WSCD1: variants seen among roughly 807,000 people sequenced by gnomAD.
WSCD1 encodes sialate:O-sulfotransferase 1.
Under a neutral mutation model 60.4 loss-of-function variants are expected in WSCD1, and 41 were observed. The ratio of observed to expected loss-of-function variants is 0.68; its 90% CI spans 0.53 to 0.88. The LOEUF is 0.88. Ranked by LOEUF, WSCD1 falls within the 40% of genes least tolerant of loss-of-function variation. The pLI, the probability that WSCD1 is intolerant of heterozygous loss-of-function variation, is 0.00. For missense variants in WSCD1, 784 were observed against 796.2 expected (o/e 0.98, Z 0.18); for synonymous variants, 361 against 332.5 (o/e 1.09, Z -0.93).
rs1199949177 is a variant in WSCD1, at chr17:6,123,992, C to G, written c.*3331C>G. On this transcript the variant is annotated 3_prime_UTR_variant, in exon 9 of 9. Transcript: ENST00000317744. ...CCTCCATTTCCTTTCCCAGCAACCCCCCATTTCTGTTTGGGAATTCATATG... is the reference window on the plus strand; with the variant it reads ...CCTCCATTTCCTTTCCCAGCAACCCGCCATTTCTGTTTGGGAATTCATATG... 6.6e-6 allele frequency: 1 copy of G among 152,186 alleles called. No homozygotes were observed. Among genetic ancestry groups the G allele is most frequent in the African/African-American group, 2.4e-5 (1 of 41,424 alleles). 9.4% of individuals were successfully genotyped at this position (152,186 alleles called of 1,614,324 possible). A position where few individuals can be genotyped will look rare whatever the true frequency, so the allele number is the denominator to read the frequency against.
Position 6,121,949 on chromosome 17 carries a change from A to G in WSCD1, c.*1288A>G, listed in dbSNP as rs1016665012. 2 of 152,360 alleles carry G rather than the reference A, an allele frequency of 1.3e-5. No individual in the cohort carries two copies. The highest frequency in any genetic ancestry group is 2.9e-5 in the Non-Finnish European group (2 of 68,156). 9.4% of individuals were successfully genotyped at this position (152,360 alleles called of 1,614,324 possible). The stretch of plus-strand genomic sequence containing the variant: ...GAGGATTGTGGCGATCCGGTTGCAC[A>G]CTGGCCTCTGTGGAGGTCAGGGAGG... On this transcript the variant is annotated 3_prime_UTR_variant, in exon 9 of 9. Coordinates refer to ENST00000317744, the MANE Select transcript of WSCD1 (RefSeq NM_015253.2).
rs1053179646 is a variant in WSCD1 at position 6,120,340 on chromosome 17, G to A, written c.1407G>A (p.Ser469=). 4.5e-5 allele frequency: 72 copies of A among 1,613,924 alleles called. No individual in the cohort carries two copies. The highest frequency in any genetic ancestry group is 1.6e-4 in the Middle Eastern group (1 of 6,084). The part of the protein sequence containing the change: ...EWPDFVNSYA[S]WWSSHVLDWL... ...CGGACTTTGTCAACAGCTACGCCTC[G>A]TGGTGGTCCTCGCACGTCCTGGACT... Residue 469 remains serine (S), a synonymous_variant, in exon 9 of 9, where the codon TCG becomes TCA. Transcript: ENST00000317744.
chr17:6,088,923 C>T (rs559955503), intron 3 of WSCD1, among the ~76,000 whole-genome samples: 1 of 152,052 alleles, frequency 6.6e-6, no homozygotes, highest in Non-Finnish European at 1.5e-5. Flanking sequence ...GCTGGGACTA[C>T]AGGCGCCCAC....
At chr17:6,115,931 A>G (rs1475333621) in intron 7 of WSCD1, among the ~76,000 whole-genome samples, 3 of 152,202 alleles carry the variant, frequency 2.0e-5, no homozygotes, top group Non-Finnish European at 4.4e-5. Flanking sequence ...AGTTTGGTGT[A>G]GGAAAGTTGA....
chr17:6,119,840 C>T (rs778557161), intron 8 of WSCD1, among the ~76,000 whole-genome samples: 4 of 152,130 alleles, frequency 2.6e-5, no homozygotes, highest in African/African-American at 7.2e-5. Flanking sequence ...GGGATGATTT[C>T]TGATATCTGG....
At chr17:6,088,377 T>A (rs1265198470) in intron 3 of WSCD1, among the ~76,000 whole-genome samples, 1 of 152,000 alleles carries the variant, frequency 6.6e-6, no homozygotes, top group Non-Finnish European at 1.5e-5. Context: ...GCTTGGGTGC[T>A]GGTGCTGGGT....
At chr17:6,112,795 GAC>G (rs1257513396) in intron 7 of WSCD1, among the ~76,000 whole-genome samples, 1 of 152,034 alleles carries the variant, frequency 6.6e-6, no homozygotes, top group Non-Finnish European at 1.5e-5. Context: ...AATTGTAGAG[GAC>G]ACACAAAAAA....
At chr17:6,111,563 C>T (rs1315888328) in intron 7 of WSCD1, among the ~76,000 whole-genome samples, 3 of 151,690 alleles carry the variant, frequency 2.0e-5, no homozygotes, top group Admixed American at 6.6e-5. Flanking sequence ...TAGCTGGGCG[C>T]GGTGGTAGGC....
Position 6,111,700 on chromosome 17 carries a change from C to CA in WSCD1, c.1174+789dup, listed in dbSNP as rs111930086. ...TGGGCAACAGAGTGACACTCCGTCT[C>CA]AAAAAAAAAAAAAAAAAAAAAAAAG... is the stretch of plus-strand genomic sequence containing the variant. On this transcript the variant is annotated intron_variant, in intron 7 of 8. Transcript: ENST00000317744. Among the ~76,000 whole-genome samples the CA allele has an allele frequency of 3.7e-3, 154 of 41,226 alleles. 1 individual carries two copies. Among genetic ancestry groups the CA allele is most frequent in the African/African-American group, 8.3e-3 (98 of 11,858 alleles). The allele number at this position is 41,226 out of a possible 152,430, so 27.0% of individuals were successfully genotyped here.
At chr17:6,077,088 C>CTTT (rs34145700) in intron 1 of WSCD1, among the ~76,000 whole-genome samples, 4 of 122,436 alleles carry the variant, frequency 3.3e-5, no homozygotes, top group Admixed American at 8.4e-5. Flanking sequence ...GTTCCTGATG[C>CTTT]TTTTTTTTTT....
In WSCD1 at chr17:6,095,185, G is replaced by A; in HGVS notation, c.811G>A (p.Val271Met). The change falls in exon 5 of 9, where the codon GTG becomes ATG. Residue 271 changes from valine (V) to methionine (M), a missense_variant. By Grantham distance (21) the Val-to-Met change is conservative. Transcript: ENST00000317744. ...CCCCAGCTCCCTGATACAGGCCAAT[G>A]TGACCGTGGGGACTTGCTCGGGCTT... ...AFPSSLIQAN[V>M]TVGTCSGFCS... is the part of the protein sequence containing the mutation. 1 of 1,613,780 alleles carries A rather than the reference G, an allele frequency of 6.2e-7. No homozygotes were observed. The highest frequency in any genetic ancestry group is 8.5e-7 in the Non-Finnish European group (1 of 1,179,848).
intron 7 of WSCD1, among the ~76,000 whole-genome samples, chr17:6,116,152 T>A (rs1416875056): frequency 6.6e-6 from 1 of 152,138 alleles, no homozygotes; most frequent in African/African-American, 2.4e-5. Context: ...TCTGGCTTAG[T>A]CCCCTAGGAA....
intron 2 of WSCD1, among the ~76,000 whole-genome samples, chr17:6,082,620 G>T (rs1314648322): frequency 1.3e-5 from 2 of 152,172 alleles, no homozygotes; most frequent in African/African-American, 2.4e-5. Context: ...TGTTGTTGGA[G>T]GGTGACTGAG....
intron 5 of WSCD1, among the ~76,000 whole-genome samples, chr17:6,098,033 C>G (rs557080494): frequency 6.6e-6 from 1 of 151,426 alleles, no homozygotes; most frequent in Non-Finnish European, 1.5e-5. Flanking sequence ...TCACTGTAGC[C>G]TCTGGCTCCT....
At chr17:6,093,954 A>T (rs1910220930) in intron 4 of WSCD1, among the ~76,000 whole-genome samples, 1 of 152,192 alleles carries the variant, frequency 6.6e-6, no homozygotes, top group African/African-American at 2.4e-5. Flanking sequence ...TGCTGTGGTC[A>T]GTTGAGATGG....
At position 6,080,956 on chromosome 17, in the gene WSCD1, C is replaced by G; in HGVS notation, c.298C>G (p.Arg100Gly). Residue 100 changes from arginine to glycine, a missense_variant, in exon 2 of 9, where the codon CGC becomes GGC. Arg to Gly is a moderately radical substitution (Grantham distance 125, BLOSUM62 -2). Transcript: ENST00000317744. The surrounding 1 kb of genome is among the most constrained non-coding windows in gnomAD (Gnocchi z 6.6). Reference sequence around the variant, plus strand: ...CCTGACCCGGCCCCGGCCCGGCCCCCGCTGGCTCCGGAGCCGCAACTCGGA... The same window carrying G: ...CCTGACCCGGCCCCGGCCCGGCCCCGGCTGGCTCCGGAGCCGCAACTCGGA... The part of the protein sequence containing the change: ...SPLTRPRPGP[R>G]WLRSRNSELR... The G allele has an allele frequency of 1.9e-6, 3 of 1,558,274 alleles. No individual in the cohort carries two copies. The highest frequency in any genetic ancestry group is 2.6e-6 in the Non-Finnish European group (3 of 1,155,564).
Position 6,080,571 on chromosome 17 carries a change from T to A in WSCD1, c.-88T>A. 1.4e-6 allele frequency: 2 copies of A among 1,420,914 alleles called. No individual in the cohort carries two copies. Among genetic ancestry groups the A allele is most frequent in the Non-Finnish European group, 1.9e-6 (2 of 1,030,860 alleles). The allele number at this position is 1,420,914 out of a possible 1,614,324, so 88.0% of individuals were successfully genotyped here. On this transcript the variant is annotated 5_prime_UTR_variant, in exon 2 of 9. It removes an upstream start codon present in the reference 5' UTR. Transcript: ENST00000317744. This position sits in a 1 kb window ranked among gnomAD's most constrained non-coding sequence, Gnocchi z 6.6. ...GGTGCCAGGAGCCAGGATGCAAGGA[T>A]GACGCCTCCGGAGGCCCTGGCCTCA... is the stretch of plus-strand genomic sequence containing the variant.
chr17:6,102,416 A>G (rs948289764), intron 5 of WSCD1, among the ~76,000 whole-genome samples: 1 of 152,260 alleles, frequency 6.6e-6, no homozygotes, highest in Non-Finnish European at 1.5e-5. Flanking sequence ...TCTCTTTGAC[A>G]AAATGCTGTA....
intron 7 of WSCD1, among the ~76,000 whole-genome samples, chr17:6,117,141 G>A (rs8082234): frequency 0.89 from 134,803 of 152,254 alleles, 60,358 homozygotes; most frequent in Non-Finnish European, 0.96. Context: ...TAAATGTGTG[G>A]CTCTGGATGA....
Sources: allele counts gnomAD v4.1 joint callset (sites outside exome capture counted in the v4.1 genomes callset), GRCh38; gene constraint gnomAD v4.1.1; non-coding constraint Gnocchi (gnomAD v3.1); transcripts MANE v1.5; gene names NCBI Gene and HGNC (gene_info 2026-07-23, HGNC 2026-07-21).